The following GLA variants were observed in gnomAD, a reference collection of about 807,000 sequenced individuals.
GLA encodes the protein galactosidase alpha.
Under a neutral mutation model 28.2 loss-of-function variants are expected in GLA, and 4 were observed. The ratio of observed to expected loss-of-function variants is 0.14; its 90% CI spans 0.07 to 0.32. The LOEUF is 0.32. Among genes scored for constraint, GLA ranks in the 10% least tolerant of loss-of-function variants. The probability of loss-of-function intolerance (pLI) is 1.00; values close to 1 mark genes in which losing one functional copy is unlikely to be tolerated. For synonymous variants in GLA, 94 were observed against 113.0 expected (o/e 0.83, Z 1.07); for missense variants, 203 against 323.7 (o/e 0.63, Z 2.86).
chrX:101,401,959 A>G, intron 2 of GLA, 150 bp from the exon 3 acceptor site: 1 of 547,962 alleles, frequency 1.8e-6, no homozygotes, highest in East Asian at 3.5e-5. Flanking sequence ...AATCATCCAG[A>G]TGAGTTTGTT....
chrX:101,398,484 G>T lies in GLA; in HGVS notation c.885C>A (p.Phe295Leu), dbSNP rs1928168577. ...TGATGTGTCGGAGGTCATTAGACAT[G>T]AATAAAGGAGCAGCCATGATAGCCC... ...ALWAIMAAPL[F>L]MSNDLRHISP... Residue 295 changes from phenylalanine to leucine, a missense_variant, in exon 6 of 7, where the codon TTC becomes TTA. Phe to Leu is a conservative substitution (Grantham distance 22, BLOSUM62 0). Around this residue, in one of 3 missense-constraint regions of GLA, gnomAD observed 162 missense variants for 246.8 expected, o/e 0.66. Transcript: ENST00000218516. 1 of 1,204,152 alleles carries T rather than the reference G, an allele frequency of 8.3e-7. No homozygotes were observed. Among genetic ancestry groups the T allele is most frequent in the Non-Finnish European group, 1.1e-6 (1 of 889,987 alleles).
In GLA at chrX:101,398,432, C is replaced by A. The variant is rs28935490; in HGVS notation, c.937G>T (p.Asp313Tyr). Residue 313 changes from aspartate to tyrosine, a missense_variant, in exon 6 of 7, where the codon GAT becomes TAT. This residue lies in a region of GLA where 162 missense variants were observed against 246.8 expected (regional missense o/e 0.66). Coordinates refer to ENST00000218516, the MANE Select transcript of GLA (RefSeq NM_000169.3). The part of the protein sequence containing the change: ...ISPQAKALLQ[D>Y]KDVIAINQDP... ...TGATTGATGGCAATTACGTCCTTATCCTGAAGGAGAGCTTTGGCTTGAGGG... is the reference window on the plus strand; with the variant it reads ...TGATTGATGGCAATTACGTCCTTATACTGAAGGAGAGCTTTGGCTTGAGGG... 4,565 of 1,207,947 alleles carry A rather than the reference C, an allele frequency of 3.8e-3. 10 individuals carry two copies. Among genetic ancestry groups the A allele is most frequent in the Non-Finnish European group, 4.4e-3 (3,912 of 893,709 alleles).
chrX:101,403,539 TGCCTCA>T (rs1225090683), intron 2 of GLA, among the ~76,000 whole-genome samples: 1 of 108,742 alleles, frequency 9.2e-6, no homozygotes, highest in Non-Finnish European at 1.9e-5. Flanking sequence ...GCGATTCTCC[TGCCTCA>T]GCCTCCCAAG....
chrX:101,404,457 C>T (rs1193589897), intron 1 of GLA, among the ~76,000 whole-genome samples: 1 of 111,054 alleles, frequency 9.0e-6, no homozygotes, highest in Non-Finnish European at 1.9e-5. Flanking sequence ...TTATTTTGCT[C>T]TTGGATAAGC....
chrX:101,398,936 G>C lies in GLA; in HGVS notation c.650C>G (p.Thr217Arg). ...YMWPFQKPNY[T>R]EIRQYCNHWR... is the part of the protein sequence containing the mutation. ...GTGATTGCAGTACTGTCGGATTTCT[G>C]TATAATTGGGCTGTGAAAACAGATA... The change falls in exon 5 of 7, where the codon ACA becomes AGA. Residue 217 changes from threonine (T) to arginine (R), a missense_variant. Transcript: ENST00000218516. The C allele has an allele frequency of 1.7e-6, 2 of 1,203,133 alleles. No homozygotes were observed. Among genetic ancestry groups the C allele is most frequent in the Non-Finnish European group, 2.3e-6 (2 of 888,317 alleles).
chrX:101,404,114 A>G, intron 1 of GLA, 129 bp from the exon 2 acceptor site: 1 of 565,718 alleles, frequency 1.8e-6, no homozygotes, highest in Non-Finnish European at 3.0e-6. Context: ...ATCACAAGCA[A>G]TGTAAGGTAA....
Position 101,407,918 on chromosome X carries a change from G to C in GLA, c.-15C>G, listed in dbSNP as rs782422036. Reference sequence around the variant, plus strand: ...CTCAGCTGCATTGTCACGGTGACCGGACAGCATAAATTTCCGCGGGTAACC... The same window carrying C: ...CTCAGCTGCATTGTCACGGTGACCGCACAGCATAAATTTCCGCGGGTAACC... On this transcript the variant is annotated 5_prime_UTR_variant, in exon 1 of 7. Transcript: ENST00000218516. The C allele has an allele frequency of 1.7e-6, 2 of 1,200,773 alleles. No homozygotes were observed. The highest frequency in any genetic ancestry group is 3.5e-5 in the South Asian group (2 of 56,629).
Position 101,401,641 on chromosome X carries a change from A to G in GLA, c.538T>C (p.Leu180=), listed in dbSNP as rs781860029. 8.3e-7 allele frequency: 1 copy of G among 1,210,161 alleles called. No individual in the cohort carries two copies. ...TGGAATGAAACATTACCATCTGCCA[A>G]ATTTTCCAAACTGTCACAGTAACAA... ...DGCYCDSLEN[L]ADGYKHMSLA... is the part of the protein sequence containing the mutation. Residue 180 remains leucine, a synonymous_variant, in exon 3 of 7, where the codon TTG becomes CTG. Coordinates refer to ENST00000218516, the MANE Select transcript of GLA (RefSeq NM_000169.3).
Position 101,399,340 on chromosome X carries a change from G to A in GLA, c.640-394C>T, listed in dbSNP as rs782008192. On this transcript the variant is annotated intron_variant, in intron 4 of 6. Transcript: ENST00000218516. ...CCAGCACTTTGGGAGGCCGAGGCAG[G>A]TGGATCATCTGAGGTCAGGAGTTCG... Among the ~76,000 whole-genome samples, 1 of 112,687 alleles carries A rather than the reference G, an allele frequency of 8.9e-6. No individual in the cohort carries two copies. Among genetic ancestry groups the A allele is most frequent in the East Asian group, 2.8e-4 (1 of 3,616 alleles).
rs782386191 is a variant in GLA, at chrX:101,407,899, T to G, written c.5A>C (p.Gln2Pro). The change falls in exon 1 of 7, where the codon CAG becomes CCG. Residue 2 changes from glutamine to proline, a missense_variant. By Grantham distance (76) the Gln-to-Pro change is moderately conservative (BLOSUM62 -1). Coordinates refer to ENST00000218516, the MANE Select transcript of GLA (RefSeq NM_000169.3). ...CAGATGTAGTTCTGGGTTCCTCAGC[T>G]GCATTGTCACGGTGACCGGACAGCA... M[Q>P]LRNPELHLGC... is the part of the protein sequence containing the mutation. The G allele has an allele frequency of 8.3e-7, 1 of 1,207,703 alleles. No homozygotes were observed. The highest frequency in any genetic ancestry group is 1.1e-6 in the Non-Finnish European group (1 of 893,074).
intron 3 of GLA, chrX:101,401,237 C>T: frequency 4.2e-6 from 1 of 239,423 alleles, no homozygotes; most frequent in Non-Finnish European, 7.6e-6. Context: ...AAGTACCTCC[C>T]AGACTGCTGG....
In GLA at chrX:101,403,904, A is replaced by T. The variant is rs1555986299; in HGVS notation, c.276T>A (p.Asp92Glu). The change falls in exon 2 of 7, where the codon GAT (aspartate) becomes GAA (glutamate). Residue 92 changes from aspartate to glutamate, a missense_variant. Physicochemically the swap from Asp to Glu is conservative, Grantham distance 45. Coordinates refer to ENST00000218516, the MANE Select transcript of GLA (RefSeq NM_000169.3). ...KDAGYEYLCIDDCWMAPQRDS... is the reference protein window; with the variant it reads ...KDAGYEYLCIEDCWMAPQRDS... ...CTCTTTGGGGAGCCATCCAACAGTC[A>T]TCAATGCAGAGGTACTCATAACCTG... 8.3e-7 allele frequency: 1 copy of T among 1,208,218 alleles called. No homozygotes were observed. The highest frequency in any genetic ancestry group is 1.7e-5 in the African/African-American group (1 of 57,382).
At chrX:101,399,054 A>G in intron 4 of GLA, 108 bp from the exon 5 acceptor site, 1 of 695,000 alleles carries the variant, frequency 1.4e-6, no homozygotes, top group Non-Finnish European at 2.3e-6. Context: ...TACAGATTGA[A>G]CGTCTCCATA....
intron 1 of GLA, among the ~76,000 whole-genome samples, chrX:101,405,190 C>T (rs1340964705): frequency 2.2e-4 from 21 of 95,447 alleles, no homozygotes; most frequent in African/African-American, 7.7e-4. Flanking sequence ...GAACCGAGAT[C>T]GTGACATTGT....
chrX:101,407,435 G>GAAGAGA (rs1357059322), intron 1 of GLA, among the ~76,000 whole-genome samples: 1 of 104,620 alleles, frequency 9.6e-6, no homozygotes, highest in African/African-American at 3.7e-5. Context: ...AGAGAGGAAA[G>GAAGAGA]AAGAGAAAGA....
At chrX:101,398,145 G>A (rs1555984888) in intron 6 of GLA, 46 bp from the exon 7 acceptor site, 2 of 1,102,859 alleles carry the variant, frequency 1.8e-6, no homozygotes, top group African/African-American at 1.8e-5. Context: ...AGTGATAAGT[G>A]GCCCTGTTAG....
intron 4 of GLA, 124 bp from the exon 5 acceptor site, chrX:101,399,070 G>A (rs1033040951): frequency 6.8e-6 from 4 of 588,385 alleles, no homozygotes; most frequent in Non-Finnish European, 1.1e-5. Flanking sequence ...CCATAAGGAG[G>A]TCTAAACCCT....
At position 101,406,211 on chromosome X, in the gene GLA, CAA is replaced by C. The variant is rs781880952; in HGVS notation, c.194+1497_194+1498del. 6.3e-3 allele frequency among the ~76,000 whole-genome samples: 224 copies of C among 35,669 alleles called. 2 individuals are homozygous for C. The highest frequency in any genetic ancestry group is 0.019 in the African/African-American group (189 of 10,204). 31.0% of individuals were successfully genotyped at this position (35,669 alleles called of 115,157 possible). ...TGGGCGACAGAGCGAGACCCCGTCT[CAA>C]AAAAAAAAAAAAAAAAAAAGTGTAA... On this transcript the variant is annotated intron_variant, in intron 1 of 6. Transcript: ENST00000218516.
Position 101,403,879 on chromosome X carries a change from C to T in GLA, c.301G>A (p.Asp101Asn). 2 of 1,211,297 alleles carry T rather than the reference C, an allele frequency of 1.7e-6. No homozygotes were observed. The highest frequency in any genetic ancestry group is 2.2e-6 in the Non-Finnish European group (2 of 894,736). ...IDDCWMAPQR[D>N]SEGRLQADPQ... ...TCTGCCTGAAGTCTGCCTTCTGAAT[C>T]TCTTTGGGGAGCCATCCAACAGTCA... is the stretch of plus-strand genomic sequence containing the variant. The change falls in exon 2 of 7, where the codon GAT (aspartate) becomes AAT (asparagine). Residue 101 changes from aspartate to asparagine, a missense_variant. By Grantham distance (23) the Asp-to-Asn change is conservative (BLOSUM62 1). Coordinates refer to ENST00000218516, the MANE Select transcript of GLA (RefSeq NM_000169.3).
Sources: allele counts gnomAD v4.1 joint callset (sites outside exome capture counted in the v4.1 genomes callset), GRCh38; gene constraint gnomAD v4.1.1; regional missense constraint gnomAD v4.1.1; transcripts MANE v1.5; gene names NCBI Gene and HGNC (gene_info 2026-07-23, HGNC 2026-07-21).